TRPS1: variants seen among roughly 807,000 people sequenced by gnomAD.
TRPS1 encodes the protein zinc finger transcription factor Trps1.
Under a neutral mutation model 101.2 loss-of-function variants are expected in TRPS1, and 6 were observed. That is an observed-to-expected ratio of 0.06 (90% CI 0.03 to 0.12). The LOEUF (loss-of-function observed/expected upper bound fraction) is 0.12, where lower values mean the gene tolerates loss of function less well. Ranked by LOEUF, TRPS1 falls within the 10% of genes least tolerant of loss-of-function variation. TRPS1 has a pLI of 1.00. For synonymous variants in TRPS1, 578 were observed against 589.8 expected (o/e 0.98, Z 0.29); for missense variants, 1,363 against 1,567.0 (o/e 0.87, Z 2.20).
At chr8:115,666,283 TA>T (rs895520203) in intron 1 of TRPS1, among the ~76,000 whole-genome samples, 253 of 143,406 alleles carry the variant, frequency 1.8e-3, no homozygotes, top group African/African-American at 2.7e-3. Flanking sequence ...CACTTAAAGG[TA>T]AAAAAAAAAA....
intron 5 of TRPS1, among the ~76,000 whole-genome samples, chr8:115,570,112 A>G (rs1023239086): frequency 6.6e-6 from 1 of 152,104 alleles, no homozygotes; most frequent in Non-Finnish European, 1.5e-5. Context: ...ATATATATGT[A>G]GATATAGATA....
chr8:115,417,104 T>C (rs1586252811), intron 6 of TRPS1, among the ~76,000 whole-genome samples: 2 of 152,322 alleles, frequency 1.3e-5, no homozygotes, highest in East Asian at 3.9e-4. Flanking sequence ...ATCTCAGTGG[T>C]TAAGTTCCCA....
intron 5 of TRPS1, among the ~76,000 whole-genome samples, chr8:115,463,263 T>C (rs1586299049): frequency 6.6e-6 from 1 of 152,114 alleles, no homozygotes; most frequent in East Asian, 1.9e-4. Flanking sequence ...TCCTCTTAGG[T>C]GTACTGAACA....
chr8:115,437,166 G>A (rs1393598503), intron 5 of TRPS1, among the ~76,000 whole-genome samples: 1 of 152,046 alleles, frequency 6.6e-6, no homozygotes, highest in Admixed American at 6.6e-5. Context: ...ATCAATCCAG[G>A]ACATTTTCTT....
intron 1 of TRPS1, among the ~76,000 whole-genome samples, chr8:115,624,088 G>T (rs1417862128): frequency 6.6e-6 from 1 of 151,964 alleles, no homozygotes; most frequent in African/African-American, 2.4e-5. Context: ...ATCTTAATTT[G>T]TAAACACCAG....
chr8:115,523,927 C>T (rs368446816), intron 5 of TRPS1, among the ~76,000 whole-genome samples: 30 of 152,186 alleles, frequency 2.0e-4, no homozygotes, highest in South Asian at 6.2e-4. Context: ...ATTCTCTTTC[C>T]AAAATAGTTT....
At chr8:115,478,979 A>G (rs1336247300) in intron 5 of TRPS1, among the ~76,000 whole-genome samples, 3 of 149,642 alleles carry the variant, frequency 2.0e-5, no homozygotes, top group Admixed American at 6.7e-5. Flanking sequence ...ATATGTATAT[A>G]TATGTATATA....
At chr8:115,465,847 T>A (rs943506771) in intron 5 of TRPS1, among the ~76,000 whole-genome samples, 1 of 152,162 alleles carries the variant, frequency 6.6e-6, no homozygotes, top group African/African-American at 2.4e-5. Flanking sequence ...CTTGTAAAAT[T>A]AATTGGAGTC....
At chr8:115,627,468 G>A (rs138200727) in intron 1 of TRPS1, among the ~76,000 whole-genome samples, 212 of 151,782 alleles carry the variant, frequency 1.4e-3, no homozygotes, top group African/African-American at 4.9e-3. Context: ...ACTGGTCTCT[G>A]GGCAAAGAGC....
At chr8:115,641,115 C>T (rs897415021) in intron 1 of TRPS1, among the ~76,000 whole-genome samples, 7 of 152,052 alleles carry the variant, frequency 4.6e-5, no homozygotes, top group Admixed American at 4.6e-4. Context: ...CTAGATACAC[C>T]GACACTGTCA....
chr8:115,464,897 T>G (rs2129989227), intron 5 of TRPS1, among the ~76,000 whole-genome samples: 1 of 152,226 alleles, frequency 6.6e-6, no homozygotes, highest in East Asian at 1.9e-4. Context: ...AAACAAGATG[T>G]GCTATATCAA....
Position 115,414,845 on chromosome 8 carries a change from A to T in TRPS1, c.3063T>A (p.Gly1021=), listed in dbSNP as rs778852142. The T allele has an allele frequency of 1.9e-6, 3 of 1,613,808 alleles. No individual in the cohort carries two copies. The Admixed American group carries it at 5.0e-5, about 27-fold the overall frequency. The change falls in exon 7 of 7, where the codon GGT becomes GGA. Residue 1021 remains glycine (G), a synonymous_variant. Transcript: ENST00000395715. The surrounding 1 kb of genome is among the most constrained non-coding windows in gnomAD (Gnocchi z 4.8). ...LPSLSKYEAQ[G]SLTKSHSAQQ... ...GAGCAGAATGGCTTTTAGTCAATGA[A>T]CCCTGGGCTTCGTATTTACTTAGGC...
At chr8:115,599,985 C>T (rs1311055961) in intron 4 of TRPS1, among the ~76,000 whole-genome samples, 1 of 152,192 alleles carries the variant, frequency 6.6e-6, no homozygotes, top group Non-Finnish European at 1.5e-5. Context: ...TATTTCTCCA[C>T]ATCCTCACCA....
chr8:115,653,362 C>T (rs1222669636), intron 1 of TRPS1, among the ~76,000 whole-genome samples: 9 of 151,908 alleles, frequency 5.9e-5, no homozygotes, highest in African/African-American at 1.9e-4. Context: ...AGGAAAAAAA[C>T]AGATGATTAT....
At chr8:115,509,160 T>TAATGATA (rs1200218567) in intron 5 of TRPS1, among the ~76,000 whole-genome samples, 1 of 152,012 alleles carries the variant, frequency 6.6e-6, no homozygotes, top group East Asian at 1.9e-4. Context: ...CCTAGAAAAG[T>TAATGATA]AATGATAAAT....
At chr8:115,654,578 G>T (rs538805638) in intron 1 of TRPS1, among the ~76,000 whole-genome samples, 1 of 152,050 alleles carries the variant, frequency 6.6e-6, no homozygotes, top group Admixed American at 6.5e-5. Context: ...TAATTCAAAT[G>T]GACTATTTTT....
intron 5 of TRPS1, among the ~76,000 whole-genome samples, chr8:115,573,785 A>G (rs1230230623): frequency 6.6e-6 from 1 of 152,078 alleles, no homozygotes; most frequent in African/African-American, 2.4e-5. Flanking sequence ...ACTATACCTA[A>G]CTTTTCATCA....
chr8:115,664,419 T>G (rs1326143001), intron 1 of TRPS1, among the ~76,000 whole-genome samples: 1 of 152,072 alleles, frequency 6.6e-6, no homozygotes, highest in Non-Finnish European at 1.5e-5. Context: ...ATTCCATAAA[T>G]CATAACTATT....
chr8:115,525,805 A>C (rs1304781244), intron 5 of TRPS1, among the ~76,000 whole-genome samples: 1 of 152,228 alleles, frequency 6.6e-6, no homozygotes, highest in Non-Finnish European at 1.5e-5. Flanking sequence ...TTCCAACATC[A>C]CAAAAATTTC....
Sources: allele counts gnomAD v4.1 joint callset (sites outside exome capture counted in the v4.1 genomes callset), GRCh38; gene constraint gnomAD v4.1.1; non-coding constraint Gnocchi (gnomAD v3.1); transcripts MANE v1.5; gene names NCBI Gene and HGNC (gene_info 2026-07-23, HGNC 2026-07-21).